CNGB3: variants seen among roughly 807,000 people sequenced by gnomAD.
CNGB3 encodes the protein cyclic nucleotide gated channel subunit beta 3, also known as cyclic nucleotide-gated channel beta-3.
CNGB3 carries 86 observed loss-of-function variants against 92.8 expected under a neutral mutation model. That is an observed-to-expected ratio of 0.93 (90% CI 0.78 to 1.11). CNGB3 has a LOEUF of 1.11. Among genes scored for constraint, CNGB3 ranks in the 50% least tolerant of loss-of-function variants. The probability of loss-of-function intolerance (pLI) is 0.00; values close to 1 mark genes in which losing one functional copy is unlikely to be tolerated. For synonymous variants in CNGB3, 333 were observed against 332.7 expected, an observed-to-expected ratio of 1.00 and a Z score of -0.01; for missense variants, 1,026 against 956.8, an observed-to-expected ratio of 1.07 and a Z score of -0.95.
At position 86,683,076 on chromosome 8, in the gene CNGB3, G is replaced by A. The variant is rs143797234; in HGVS notation, c.339-11978C>T. Among the ~76,000 whole-genome samples the A allele has an allele frequency of 2.3e-4, 35 of 152,234 alleles. No individual in the cohort carries two copies. The East Asian group carries it at 6.2e-3, about 27-fold the overall frequency. On this transcript the variant is annotated intron_variant, in intron 3 of 17. Coordinates refer to ENST00000320005, the MANE Select transcript of CNGB3 (RefSeq NM_019098.5). ...ATGGTTATCAGGATTATACTTCCTT[G>A]ACTGGAAAATATTTACACAGCTTTT...
chr8:86,621,573 C>T (rs557621878), intron 13 of CNGB3, among the ~76,000 whole-genome samples: 12 of 152,088 alleles, frequency 7.9e-5, no homozygotes, highest in South Asian at 6.2e-4. Context: ...CACCTGTCAC[C>T]GAAGCAGTGT....
chr8:86,658,091 G>A, intron 6 of CNGB3: 1 of 525,496 alleles, frequency 1.9e-6, no homozygotes, highest in Non-Finnish European at 3.6e-6. Flanking sequence ...AGGGCCGGGT[G>A]GGCCTCCCCA....
At chr8:86,655,736 A>G (rs566638072) in intron 6 of CNGB3, among the ~76,000 whole-genome samples, 1 of 152,322 alleles carries the variant, frequency 6.6e-6, no homozygotes, top group South Asian at 2.1e-4. Context: ...TTCCTAACAC[A>G]GTGTCTAACA....
intron 3 of CNGB3, among the ~76,000 whole-genome samples, chr8:86,705,732 T>C (rs963240978): frequency 1.3e-5 from 2 of 152,076 alleles, no homozygotes; most frequent in African/African-American, 2.4e-5. Flanking sequence ...GAGCTGCAGG[T>C]GGTTTACATA....
chr8:86,692,648 C>G (rs1349590982), intron 3 of CNGB3, among the ~76,000 whole-genome samples: 3 of 152,136 alleles, frequency 2.0e-5, no homozygotes, highest in Admixed American at 6.5e-5. Context: ...TTGAAGACAG[C>G]AGACACTTGG....
chr8:86,576,171 A>C (rs1821658748), intron 17 of CNGB3, 41 bp from the exon 18 acceptor site: 2 of 1,592,404 alleles, frequency 1.3e-6, no homozygotes, highest in East Asian at 4.5e-5. Context: ...TGAAATCGTA[A>C]TTAAAAACAT....
intron 5 of CNGB3, 60 bp from the exon 6 acceptor site, chr8:86,667,193 G>T: frequency 6.7e-7 from 1 of 1,485,766 alleles, no homozygotes. Flanking sequence ...AAAGAATTCT[G>T]TTGCTTAGTT....
intron 2 of CNGB3, among the ~76,000 whole-genome samples, chr8:86,738,195 T>A (rs1825278376): frequency 1.1e-5 from 1 of 89,492 alleles, no homozygotes; most frequent in African/African-American, 5.2e-5. Context: ...GATTTCCCTT[T>A]CATTTTTGTA....
intron 3 of CNGB3, among the ~76,000 whole-genome samples, chr8:86,673,664 T>A (rs1376544790): frequency 6.6e-6 from 1 of 152,218 alleles, no homozygotes; most frequent in Non-Finnish European, 1.5e-5. Flanking sequence ...CTGGAGCTTT[T>A]GGATAATTCA....
chr8:86,712,755 AT>A (rs10586111), intron 3 of CNGB3, among the ~76,000 whole-genome samples: 40,394 of 134,042 alleles, frequency 0.3, 6,540 homozygotes, highest in Middle Eastern at 0.38. Context: ...TCCTGGCTTA[AT>A]TTTTTTTTTT....
At chr8:86,586,101 C>T (rs1415466532) in intron 15 of CNGB3, among the ~76,000 whole-genome samples, 1 of 152,042 alleles carries the variant, frequency 6.6e-6, no homozygotes, top group African/African-American at 2.4e-5. Context: ...AAAGAATTCA[C>T]TGTATAAATG....
intron 8 of CNGB3, among the ~76,000 whole-genome samples, chr8:86,647,444 C>T (rs1801322872): frequency 6.6e-6 from 1 of 150,410 alleles, no homozygotes; most frequent in African/African-American, 2.4e-5. Context: ...ACATCCCATA[C>T]ACCATGCATT....
At chr8:86,602,304 G>A (rs73271537) in intron 15 of CNGB3, among the ~76,000 whole-genome samples, 3,615 of 152,054 alleles carry the variant, frequency 0.024, 150 homozygotes, top group African/African-American at 0.081. Flanking sequence ...ATAATCAGTC[G>A]TTAAACAAGG....
intron 3 of CNGB3, among the ~76,000 whole-genome samples, chr8:86,688,626 T>C (rs554844086): frequency 7.9e-5 from 12 of 152,242 alleles, no homozygotes; most frequent in African/African-American, 2.4e-4. Flanking sequence ...CAGCAGCCTT[T>C]AATGATCCTT....
chr8:86,606,146 GTTTT>G (rs34987710), intron 14 of CNGB3, among the ~76,000 whole-genome samples: 5 of 91,968 alleles, frequency 5.4e-5, no homozygotes, highest in Admixed American at 1.2e-4. Context: ...TTTGGGGTTG[GTTTT>G]TTTTTTTTTT....
At chr8:86,626,113 CA>C in intron 12 of CNGB3, 33 bp from the exon 13 acceptor site, 1 of 1,499,642 alleles carries the variant, frequency 6.7e-7, no homozygotes, top group Non-Finnish European at 9.3e-7. Context: ...AACCCCGATG[CA>C]GAATAATTAA....
intron 3 of CNGB3, among the ~76,000 whole-genome samples, chr8:86,705,816 C>G (rs140076041): frequency 4.4e-4 from 67 of 152,218 alleles, no homozygotes; most frequent in Non-Finnish European, 8.4e-4. Flanking sequence ...TGTATTTGCA[C>G]CAATGCATGG....
intron 15 of CNGB3, among the ~76,000 whole-genome samples, chr8:86,586,112 G>A (rs79924246): frequency 1.3e-5 from 2 of 151,994 alleles, no homozygotes; most frequent in African/African-American, 4.8e-5. Flanking sequence ...TGTATAAATG[G>A]AAAAGAAAAG....
intron 10 of CNGB3, among the ~76,000 whole-genome samples, chr8:86,637,650 C>T (rs1823098073): frequency 6.6e-6 from 1 of 152,112 alleles, no homozygotes; most frequent in Non-Finnish European, 1.5e-5. Context: ...TTGCAGTTTT[C>T]AGTGTACAAG....
Sources: allele counts gnomAD v4.1 joint callset (sites outside exome capture counted in the v4.1 genomes callset), GRCh38; gene constraint gnomAD v4.1.1; transcripts MANE v1.5; gene names NCBI Gene and HGNC (gene_info 2026-07-23, HGNC 2026-07-21).